SRRM1: variants seen among roughly 807,000 people sequenced by gnomAD.
SRRM1 encodes serine and arginine repetitive matrix 1.
A neutral mutation model predicts 110.2 loss-of-function variants in SRRM1; 19 were observed. That is an observed-to-expected ratio of 0.17 (90% CI 0.12 to 0.25). SRRM1 has a LOEUF of 0.25. Ranked by LOEUF, SRRM1 falls within the 10% of genes least tolerant of loss-of-function variation. SRRM1 has a pLI of 1.00. For missense variants in SRRM1, 918 were observed against 1,145.8 expected, an observed-to-expected ratio of 0.80 and a Z score of 2.87; for synonymous variants, 443 against 414.9, an observed-to-expected ratio of 1.07 and a Z score of -0.82.
At chr1:24,643,451 A>C in intron 1 of SRRM1, 104 bp downstream of exon 1, 1 of 811,260 alleles carries the variant, frequency 1.2e-6, no homozygotes, top group Non-Finnish European at 1.7e-6. Context: ...GGAGCTTCGG[A>C]GATCTTAAGG....
Position 24,671,588 on chromosome 1 carries a change from CGAA to C in SRRM1, c.2608_2610del (p.Lys870del). ...GAAGAGCCAGTGGCAGCGCCAGAGC[CGAA>C]GAAGGTATTTATGAACTCTGTATAT... On this transcript the variant is annotated inframe_deletion, in exon 16 of 17. Coordinates refer to ENST00000323848, the MANE Select transcript of SRRM1 (RefSeq NM_005839.4). The C allele has an allele frequency of 6.3e-7, 1 of 1,588,590 alleles. No individual in the cohort carries two copies. Among genetic ancestry groups the C allele is most frequent in the Non-Finnish European group, 8.5e-7 (1 of 1,172,428 alleles).
rs373346383 is a variant in SRRM1, at chr1:24,648,990, T to C, written c.366T>C (p.Ala122=). The C allele has an allele frequency of 1.9e-6, 3 of 1,613,838 alleles. No homozygotes were observed. Among genetic ancestry groups the C allele is most frequent in the African/African-American group, 1.3e-5 (1 of 74,920 alleles). Residue 122 remains alanine (A), a synonymous_variant, in exon 4 of 17, where the codon GCT becomes GCC. Transcript: ENST00000323848. ...AQENIAGIPS[A]FLELKKEEIK... The stretch of plus-strand genomic sequence containing the variant: ...AAAACATCGCGGGAATCCCTTCTGC[T>C]TTCCTAGAACTGAAGAAAGAAGAAA...
chr1:24,651,322 CTAAAGAT>C, intron 5 of SRRM1, 80 bp from the exon 6 acceptor site: 1 of 1,067,980 alleles, frequency 9.4e-7, no homozygotes, highest in Non-Finnish European at 1.4e-6. Context: ...AGTAGTGTAA[CTAAAGAT>C]TAATCCTCAC....
rs374623638 is a variant in SRRM1, at chr1:24,665,368, G to A, written c.1629-1447G>A. ...CGTTTGAATCCGGGAGGTGGAGGTT[G>A]CAGTGAGCCGATATCGTGCCATTGC... On this transcript the variant is annotated intron_variant, in intron 12 of 16. Coordinates refer to ENST00000323848, the MANE Select transcript of SRRM1 (RefSeq NM_005839.4). Among the ~76,000 whole-genome samples, 28 of 151,910 alleles carry A rather than the reference G, an allele frequency of 1.8e-4. No homozygotes were observed. In the Middle Eastern group the frequency reaches 0.014, roughly 74 times the overall value.
At position 24,651,447 on chromosome 1, in the gene SRRM1, C is replaced by T; in HGVS notation, c.560C>T (p.Ser187Phe). ...SRSPSPRRRS[S>F]PVRRERKRSH... ...TCTCCTTCCCCTAGAAGACGATCTT[C>T]CCCTGTCAGGAGAGAGAGAAAGCGC... The change falls in exon 6 of 17, where the codon TCC becomes TTC. Residue 187 changes from serine to phenylalanine, a missense_variant. Ser to Phe is a radical substitution (Grantham distance 155, BLOSUM62 -2). Coordinates refer to ENST00000323848, the MANE Select transcript of SRRM1 (RefSeq NM_005839.4). 1 of 1,614,140 alleles carries T rather than the reference C, an allele frequency of 6.2e-7. No homozygotes were observed.
chr1:24,645,978 C>T lies in SRRM1; in HGVS notation c.22-6C>T, dbSNP rs1557645558. On this transcript the variant is annotated splice_polypyrimidine_tract_variant and splice_region_variant and intron_variant, in intron 1 of 16. Coordinates refer to ENST00000323848, the MANE Select transcript of SRRM1 (RefSeq NM_005839.4). ...CCTTAGTTAAGATGTGGTTCTCTTC[C>T]TGCAGGGAACAAGTGCAGAACAGGA... The T allele has an allele frequency of 1.2e-6, 2 of 1,612,124 alleles. No individual in the cohort carries two copies. Among genetic ancestry groups the T allele is most frequent in the South Asian group, 1.1e-5 (1 of 90,870 alleles).
chr1:24,666,776 A>G, intron 12 of SRRM1, 39 bp from the exon 13 acceptor site: 1 of 1,573,208 alleles, frequency 6.4e-7, no homozygotes, highest in Non-Finnish European at 8.7e-7. Flanking sequence ...CACACACAAA[A>G]AAAAGAAAAA....
Position 24,651,630 on chromosome 1 carries a change from C to G in SRRM1, c.725+18C>G, listed in dbSNP as rs376521913. The G allele has an allele frequency of 1.1e-5, 17 of 1,556,318 alleles. No individual in the cohort carries two copies. Among genetic ancestry groups the G allele is most frequent in the Admixed American group, 7.2e-5 (4 of 55,368 alleles). On this transcript the variant is annotated intron_variant, in intron 6 of 16. Transcript: ENST00000323848. ...TCTACTAGGCAAGTATATAAAAATT[C>G]ATTTATAAATAATCACAATTTTAGA...
chr1:24,661,540 G>A, intron 11 of SRRM1, 144 bp downstream of exon 11: 1 of 548,496 alleles, frequency 1.8e-6, no homozygotes. Context: ...TCTTTTTTTG[G>A]TTTTAAGTCC....
At chr1:24,653,548 G>A (rs1023007615) in intron 8 of SRRM1, among the ~76,000 whole-genome samples, 8 of 152,056 alleles carry the variant, frequency 5.3e-5, no homozygotes, top group African/African-American at 1.9e-4. Context: ...TAATCCGTGG[G>A]GGAATATATC....
rs1383988854 is a variant in SRRM1, at chr1:24,669,542, C to T, written c.2159C>T (p.Pro720Leu). 3 of 1,604,832 alleles carry T rather than the reference C, an allele frequency of 1.9e-6. No homozygotes were observed. Among genetic ancestry groups the T allele is most frequent in the Non-Finnish European group, 8.5e-7 (1 of 1,175,452 alleles). The part of the protein sequence containing the change: ...RRQSPSPSTR[P>L]IRRVSRTPEP... Reference sequence around the variant, plus strand: ...CAGTCCCCGTCTCCAAGTACTAGGCCCATTAGGAGAGTCTCCAGGACTCCG... The same window carrying T: ...CAGTCCCCGTCTCCAAGTACTAGGCTCATTAGGAGAGTCTCCAGGACTCCG... Residue 720 changes from proline (P) to leucine (L), a missense_variant, in exon 14 of 17, where the codon CCC becomes CTC. Transcript: ENST00000323848.
In SRRM1 at chr1:24,665,005, T is replaced by A. The variant is rs529279162; in HGVS notation, c.1629-1810T>A. On this transcript the variant is annotated intron_variant, in intron 12 of 16. Coordinates refer to ENST00000323848, the MANE Select transcript of SRRM1 (RefSeq NM_005839.4). ...TGTTTTTGTTTTGTTTCTCGTCATT[T>A]AAAAAGTATTTTAAGTTATATACCA... Among the ~76,000 whole-genome samples the A allele has an allele frequency of 2.0e-5, 3 of 152,312 alleles. No homozygotes were observed. The East Asian group carries it at 5.8e-4, about 29-fold the overall frequency.
In SRRM1 at chr1:24,652,416, AAG is replaced by A. The variant is rs1217585624; in HGVS notation, c.726-17_726-16del. 11 of 1,509,460 alleles carry A rather than the reference AAG, an allele frequency of 7.3e-6. No homozygotes were observed. The highest frequency in any genetic ancestry group is 4.6e-5 in the East Asian group (2 of 43,192). The allele number at this position is 1,509,460 out of a possible 1,614,324, so 93.5% of individuals were successfully genotyped here. On this transcript the variant is annotated splice_polypyrimidine_tract_variant and intron_variant, in intron 6 of 16. Coordinates refer to ENST00000323848, the MANE Select transcript of SRRM1 (RefSeq NM_005839.4). Reference sequence around the variant, plus strand: ...TACAAGAAGGCAAAAAAAAAAAAAAAAGCTTTTGTTTCCACAGTGACATTCTG... The same window carrying A: ...TACAAGAAGGCAAAAAAAAAAAAAAACTTTTGTTTCCACAGTGACATTCTG...
At chr1:24,648,247 A>G (rs886854954) in intron 3 of SRRM1, 1 of 152,240 alleles carries the variant, frequency 6.6e-6, no homozygotes, top group South Asian at 2.1e-4. Flanking sequence ...TAAAAACCCA[A>G]TTATTTTTGA....
At chr1:24,655,209 C>CT in intron 9 of SRRM1, 80 bp downstream of exon 9, 2 of 1,453,256 alleles carry the variant, frequency 1.4e-6, no homozygotes, top group Non-Finnish European at 1.9e-6. Flanking sequence ...CCTGCTCACT[C>CT]TCAAAGTATG....
rs1311974473 is a variant in SRRM1, at chr1:24,672,968, T to A, written c.*682T>A. The A allele has an allele frequency of 6.6e-6, 1 of 151,818 alleles. No homozygotes were observed. The highest frequency in any genetic ancestry group is 2.4e-5 in the African/African-American group (1 of 41,514). 9.4% of individuals were successfully genotyped at this position (151,818 alleles called of 1,614,324 possible). A position where few individuals can be genotyped will look rare whatever the true frequency, so the allele number is the denominator to read the frequency against. On this transcript the variant is annotated 3_prime_UTR_variant, in exon 17 of 17. Transcript: ENST00000323848. ...CATTCTGTTATTCTGGTTTTGTTTT[T>A]TTTGTTTTGTTTTTTTTCTTTTGTA...
At chr1:24,671,943 T>C (rs551206660) in intron 16 of SRRM1, among the ~76,000 whole-genome samples, 2 of 152,238 alleles carry the variant, frequency 1.3e-5, no homozygotes, top group East Asian at 1.9e-4. Flanking sequence ...TATTATACTT[T>C]AAGTTTTAGG....
rs550400831 is a variant in SRRM1 at position 24,643,560 on chromosome 1, C to G, written c.21+213C>G. The G allele has an allele frequency of 2.0e-4, 84 of 426,854 alleles. 1 individual carries two copies. In the South Asian group the frequency reaches 5.3e-3, roughly 27 times the overall value. 26.4% of individuals were successfully genotyped at this position (426,854 alleles called of 1,614,324 possible). ...TCCTCCTCCGGAATGGTCCCCCCTA[C>G]GCGGCGGCGACGGTGGCCGGAAAAT... is the stretch of plus-strand genomic sequence containing the variant. On this transcript the variant is annotated intron_variant, in intron 1 of 16. Coordinates refer to ENST00000323848, the MANE Select transcript of SRRM1 (RefSeq NM_005839.4).
chr1:24,662,492 T>G (rs2148610843), intron 11 of SRRM1, among the ~76,000 whole-genome samples, 168 bp from the exon 12 acceptor site: 1 of 152,342 alleles, frequency 6.6e-6, no homozygotes, highest in South Asian at 2.1e-4. Flanking sequence ...ATAATATGCT[T>G]GGCTTTGAAA....
Sources: gnomAD v4.1 joint callset for allele counts (sites outside exome capture counted in the v4.1 genomes callset) on GRCh38, gnomAD v4.1.1 for gene constraint, MANE v1.5 for transcripts, NCBI Gene and HGNC (gene_info 2026-07-23, HGNC 2026-07-21) for gene names.